The following BLVRB variants were observed in gnomAD, a reference collection of about 807,000 sequenced individuals.
BLVRB encodes flavin reductase (NADPH).
A neutral mutation model predicts 21.1 loss-of-function variants in BLVRB; 25 were observed. The observed-to-expected ratio is 1.19, with a 90% confidence interval of 0.86 to 1.66. BLVRB has a LOEUF of 1.66. Ranked by LOEUF, BLVRB falls within the 40% of genes most tolerant of loss-of-function variation. The probability of loss-of-function intolerance (pLI) is 0.00; values close to 1 mark genes in which losing one functional copy is unlikely to be tolerated. For missense variants in BLVRB, 274 were observed against 282.7 expected (o/e 0.97, Z 0.22); for synonymous variants, 128 against 122.2 (o/e 1.05, Z -0.31).
Position 40,465,729 on chromosome 19 carries a change from AC to A in BLVRB, c.-42del, listed in dbSNP as rs759951534. ...GGGTGCAAGGCCTCAGAGTCTCGGCACGCGCGGGAACCCACTGGCTGCTGGG... is the reference window on the plus strand; with the variant it reads ...GGGTGCAAGGCCTCAGAGTCTCGGCAGCGCGGGAACCCACTGGCTGCTGGG... On this transcript the variant is annotated 5_prime_UTR_variant, in exon 1 of 5. Coordinates refer to ENST00000263368, the MANE Select transcript of BLVRB (RefSeq NM_000713.3). 6 of 1,599,088 alleles carry A rather than the reference AC, an allele frequency of 3.8e-6. No homozygotes were observed. In the Admixed American group the frequency reaches 1.0e-4, roughly 27 times the overall value.
At chr19:40,455,206 G>A (rs1036576184) in intron 3 of BLVRB, among the ~76,000 whole-genome samples, 2 of 152,192 alleles carry the variant, frequency 1.3e-5, no homozygotes, top group South Asian at 4.1e-4. Flanking sequence ...TCCTCCCCAA[G>A]CCCTAATGGA....
At chr19:40,458,932 A>T (rs1352438817) in intron 1 of BLVRB, among the ~76,000 whole-genome samples, 1 of 151,630 alleles carries the variant, frequency 6.6e-6, no homozygotes, top group Non-Finnish European at 1.5e-5. Context: ...GGCTCAGGTG[A>T]TCTGCCTGCC....
intron 4 of BLVRB, among the ~76,000 whole-genome samples, chr19:40,449,553 G>C (rs1205747550): frequency 6.6e-6 from 1 of 152,188 alleles, no homozygotes; most frequent in East Asian, 1.9e-4. Flanking sequence ...CCTGACAGTT[G>C]GGGAAATTTT....
chr19:40,454,681 G>C (rs2079755163), intron 3 of BLVRB, among the ~76,000 whole-genome samples: 1 of 151,982 alleles, frequency 6.6e-6, no homozygotes, highest in Admixed American at 6.6e-5. Flanking sequence ...GAGTAGCTGG[G>C]ACTATAGGCA....
At chr19:40,460,481 AT>A (rs1477491101) in intron 1 of BLVRB, among the ~76,000 whole-genome samples, 1 of 150,896 alleles carries the variant, frequency 6.6e-6, no homozygotes, top group East Asian at 1.9e-4. Flanking sequence ...AATAAAAAAA[AT>A]CTAGCCAGGT....
At chr19:40,465,176 C>T (rs1290208525) in intron 1 of BLVRB, among the ~76,000 whole-genome samples, 1 of 152,176 alleles carries the variant, frequency 6.6e-6, no homozygotes, top group Non-Finnish European at 1.5e-5. Flanking sequence ...GCAAGTCACT[C>T]TCTGGGTCTC....
chr19:40,461,568 C>T (rs1215211301), intron 1 of BLVRB, among the ~76,000 whole-genome samples: 1 of 151,048 alleles, frequency 6.6e-6, no homozygotes, highest in Admixed American at 6.6e-5. Context: ...GGTGCAGTCT[C>T]GGCTCACTGC....
In BLVRB at chr19:40,465,690, G is replaced by T; in HGVS notation, c.-2C>A. 6.2e-7 allele frequency: 1 copy of T among 1,612,600 alleles called. No individual in the cohort carries two copies. Among genetic ancestry groups the T allele is most frequent in the South Asian group, 1.1e-5 (1 of 90,988 alleles). On this transcript the variant is annotated 5_prime_UTR_variant, in exon 1 of 5. Transcript: ENST00000263368. ...GATCGCGATCTTCTTGACGGCCATCGTACGGGATCGTGGGGGTGCAAGGCC... is the reference window on the plus strand; with the variant it reads ...GATCGCGATCTTCTTGACGGCCATCTTACGGGATCGTGGGGGTGCAAGGCC...
chr19:40,464,676 A>G (rs2088535956), intron 1 of BLVRB, among the ~76,000 whole-genome samples: 1 of 152,178 alleles, frequency 6.6e-6, no homozygotes, highest in South Asian at 2.1e-4. Context: ...CATTCTCCAC[A>G]AGTCAAGATC....
At chr19:40,451,619 G>T in intron 3 of BLVRB, 127 bp from the exon 4 acceptor site, 5 of 1,285,254 alleles carry the variant, frequency 3.9e-6, no homozygotes, top group Non-Finnish European at 5.1e-6. Context: ...TGCAACCTCT[G>T]CCTCCCGGGT....
chr19:40,460,611 A>T (rs920275610), intron 1 of BLVRB, among the ~76,000 whole-genome samples: 6 of 149,470 alleles, frequency 4.0e-5, no homozygotes, highest in East Asian at 1.9e-4. Flanking sequence ...AAATAAATAA[A>T]TAAATTAAAT....
At chr19:40,450,846 C>CTATG (rs2079736326) in intron 4 of BLVRB, among the ~76,000 whole-genome samples, 2 of 112,124 alleles carry the variant, frequency 1.8e-5, no homozygotes, top group South Asian at 2.7e-4. Context: ...GCCTATGTAT[C>CTATG]TATCTATCTA....
chr19:40,463,584 C>G (rs959859330), intron 1 of BLVRB, among the ~76,000 whole-genome samples: 6 of 145,604 alleles, frequency 4.1e-5, no homozygotes, highest in Non-Finnish European at 9.1e-5. Flanking sequence ...CCCTCCCTCC[C>G]TCCCTCCATC....
intron 3 of BLVRB, among the ~76,000 whole-genome samples, chr19:40,451,840 C>T (rs1248670773): frequency 1.3e-5 from 2 of 152,246 alleles, no homozygotes; most frequent in Admixed American, 6.5e-5. Context: ...GCCAAGGGCT[C>T]GCTTGTCTTG....
chr19:40,461,721 C>T (rs1568740861), intron 1 of BLVRB, among the ~76,000 whole-genome samples: 2 of 152,044 alleles, frequency 1.3e-5, no homozygotes, highest in East Asian at 1.9e-4. Flanking sequence ...AGGCTGGTCT[C>T]GAACTCCTGA....
intron 1 of BLVRB, among the ~76,000 whole-genome samples, chr19:40,464,574 C>A (rs1433026131): frequency 6.6e-6 from 1 of 152,134 alleles, no homozygotes; most frequent in African/African-American, 2.4e-5. Flanking sequence ...TGACTCAGCG[C>A]CTCTCAACTT....
At position 40,447,964 on chromosome 19, in the gene BLVRB, G is replaced by T. The variant is rs1474170081; in HGVS notation, c.546C>A (p.Gly182=). 6.2e-7 allele frequency: 1 copy of T among 1,613,978 alleles called. No individual in the cohort carries two copies. The highest frequency in any genetic ancestry group is 8.5e-7 in the Non-Finnish European group (1 of 1,180,020). The change falls in exon 5 of 5, where the codon GGC becomes GGA. Residue 182 remains glycine, a synonymous_variant. Transcript: ENST00000263368. The part of the protein sequence containing the change: ...PSRVISKHDL[G]HFMLRCLTTD... ...TGGTGAGGCAGCGCAGCATGAAATGGCCCAGGTCATGTTTGGAGATGACCC... is the reference window on the plus strand; with the variant it reads ...TGGTGAGGCAGCGCAGCATGAAATGTCCCAGGTCATGTTTGGAGATGACCC...
At chr19:40,456,372 A>G (rs915709537) in intron 3 of BLVRB, among the ~76,000 whole-genome samples, 36 of 151,678 alleles carry the variant, frequency 2.4e-4, no homozygotes, top group African/African-American at 8.2e-4. Flanking sequence ...ACAATGAGCT[A>G]TGATCAGGCC....
At chr19:40,453,782 A>G (rs2079750582) in intron 3 of BLVRB, among the ~76,000 whole-genome samples, 1 of 152,116 alleles carries the variant, frequency 6.6e-6, no homozygotes, top group Non-Finnish European at 1.5e-5. Context: ...AGTTGAGCCC[A>G]GCAGTTCTAG....
Sources: gnomAD v4.1 joint callset for allele counts (sites outside exome capture counted in the v4.1 genomes callset) on GRCh38, gnomAD v4.1.1 for gene constraint, MANE v1.5 for transcripts, NCBI Gene and HGNC (gene_info 2026-07-23, HGNC 2026-07-21) for gene names.